DDX42: variants seen among roughly 807,000 people sequenced by gnomAD.
DDX42 encodes DEAD-box helicase 42, also known as ATP-dependent RNA helicase DDX42.
A neutral mutation model predicts 101.5 loss-of-function variants in DDX42; 22 were observed. The ratio of observed to expected loss-of-function variants is 0.22; its 90% CI spans 0.15 to 0.31. The LOEUF (loss-of-function observed/expected upper bound fraction) is 0.31, where lower values mean the gene tolerates loss of function less well. Among genes scored for constraint, DDX42 ranks in the 10% least tolerant of loss-of-function variants. The pLI is 1.00. For synonymous variants in DDX42, 402 were observed against 401.2 expected, an observed-to-expected ratio of 1.00 and a Z score of -0.02; for missense variants, 849 against 1,199.9, an observed-to-expected ratio of 0.71 and a Z score of 4.32.
At chr17:63,809,045 C>T (rs2039878013) in intron 10 of DDX42, 97 bp downstream of exon 10, 2 of 1,522,262 alleles carry the variant, frequency 1.3e-6, no homozygotes, top group South Asian at 1.3e-5. Flanking sequence ...GTGGTAAAAG[C>T]AGGGTTGAAA....
chr17:63,774,006 C>G (rs4968664), upstream of DDX42: 107,781 of 203,992 alleles, frequency 0.53, 38,547 homozygotes, highest in African/African-American at 0.89. Flanking sequence ...GACCCACTTT[C>G]TAGATGGGTC....
chr17:63,793,655 A>T (rs923376926), intron 3 of DDX42, among the ~76,000 whole-genome samples: 1 of 151,932 alleles, frequency 6.6e-6, no homozygotes, highest in African/African-American at 2.4e-5. Flanking sequence ...AATTACAACC[A>T]CCATGTTATT....
At chr17:63,796,505 A>G (rs893693142) in intron 3 of DDX42, among the ~76,000 whole-genome samples, 5 of 152,206 alleles carry the variant, frequency 3.3e-5, no homozygotes, top group African/African-American at 1.2e-4. Flanking sequence ...TAGTAGAGAC[A>G]GGGTTTCTCC....
chr17:63,815,335 C>T (rs1277694732), intron 15 of DDX42, among the ~76,000 whole-genome samples: 1 of 152,192 alleles, frequency 6.6e-6, no homozygotes, highest in Non-Finnish European at 1.5e-5. Context: ...GGAGGGAGCA[C>T]TGTAGGAAGC....
intron 13 of DDX42, 49 bp downstream of exon 13, chr17:63,811,222 A>G: frequency 7.7e-7 from 1 of 1,300,470 alleles, no homozygotes. Flanking sequence ...TATTTCTCAT[A>G]TTATGGAACA....
chr17:63,783,095 CT>C lies in DDX42; in HGVS notation c.-16-3937del, dbSNP rs1285561612. Among the ~76,000 whole-genome samples, 6 of 152,302 alleles carry C rather than the reference CT, an allele frequency of 3.9e-5. No homozygotes were observed. In the East Asian group the frequency reaches 9.6e-4, roughly 24 times the overall value. On this transcript the variant is annotated intron_variant, in intron 1 of 17. Transcript: ENST00000389924. ...ATTTAACATGTCATCTCTCAGAACA[CT>C]TCTATGCCTTTGCTCCCACTCATGG...
At chr17:63,797,401 C>T (rs2039707154) in intron 3 of DDX42, among the ~76,000 whole-genome samples, 1 of 148,026 alleles carries the variant, frequency 6.8e-6, no homozygotes, top group Non-Finnish European at 1.5e-5. Context: ...AAAAACTACA[C>T]ACATTTAACT....
At chr17:63,811,364 G>A (rs2039908402) in intron 13 of DDX42, 191 bp downstream of exon 13, 2 of 490,344 alleles carry the variant, frequency 4.1e-6, no homozygotes, top group Non-Finnish European at 7.3e-6. Flanking sequence ...GGGAATCATT[G>A]AAGCTAGGTG....
At chr17:63,796,636 A>G (rs2039696551) in intron 3 of DDX42, among the ~76,000 whole-genome samples, 2 of 152,146 alleles carry the variant, frequency 1.3e-5, no homozygotes. Context: ...ATTTTATAGA[A>G]AGTATAAACT....
At chr17:63,811,798 C>A in intron 13 of DDX42, 134 bp from the exon 14 acceptor site, 2 of 1,201,316 alleles carry the variant, frequency 1.7e-6, no homozygotes, top group Non-Finnish European at 2.4e-6. Flanking sequence ...CTGCACTTGA[C>A]TTGCTGAAGG....
At chr17:63,794,994 G>A (rs1184623815) in intron 3 of DDX42, among the ~76,000 whole-genome samples, 2 of 151,532 alleles carry the variant, frequency 1.3e-5, no homozygotes, top group African/African-American at 2.4e-5. Context: ...AAATCCTTTC[G>A]GATTCCTTAG....
At chr17:63,803,529 C>T (rs531578652) in intron 6 of DDX42, among the ~76,000 whole-genome samples, 267 of 133,966 alleles carry the variant, frequency 2.0e-3, no homozygotes, top group African/African-American at 7.2e-3. Context: ...GGTTGTGCCA[C>T]TGCACTCCAG....
chr17:63,817,494 T>A (rs1194009589), intron 17 of DDX42, 200 bp from the exon 18 acceptor site: 3 of 551,796 alleles, frequency 5.4e-6, no homozygotes, highest in African/African-American at 3.8e-5. Context: ...ACACTGGGGG[T>A]CCATCTCTCC....
At chr17:63,817,019 T>G (rs2039984869) in intron 17 of DDX42, 53 bp downstream of exon 17, 1 of 1,508,140 alleles carries the variant, frequency 6.6e-7, no homozygotes, top group Non-Finnish European at 9.1e-7. Flanking sequence ...TCTTGGGCAG[T>G]GACAGAGGGG....
chr17:63,798,228 T>C lies in DDX42; in HGVS notation c.434+129T>C, dbSNP rs561866066. The C allele has an allele frequency of 5.5e-5, 42 of 770,072 alleles. No individual in the cohort carries two copies. The African/African-American group carries it at 7.0e-4, about 13-fold the overall frequency. The allele number at this position is 770,072 out of a possible 1,614,324, so 47.7% of individuals were successfully genotyped here. A position where few individuals can be genotyped will look rare whatever the true frequency, so the allele number is the denominator to read the frequency against. Reference sequence around the variant, plus strand: ...TGTGTACTTTACTTGAAGTTATTCCTGTATCTTGAATACTTTAAGAATAGA... The same window carrying C: ...TGTGTACTTTACTTGAAGTTATTCCCGTATCTTGAATACTTTAAGAATAGA... On this transcript the variant is annotated intron_variant, in intron 4 of 17. Transcript: ENST00000389924.
Position 63,810,514 on chromosome 17 carries a change from G to A in DDX42, c.1254G>A (p.Glu418=). The change falls in exon 12 of 18, where the codon GAG becomes GAA. Residue 418 remains glutamate (E), a splice_region_variant and synonymous_variant. Transcript: ENST00000389924. ...EADRMFDMGF[E]YQVRSIASHV... is the part of the protein sequence containing the mutation. ...ATTTTATTGTTCTGTTTCTTGCAGA[G>A]TACCAAGTTCGATCCATAGCAAGTC... is the stretch of plus-strand genomic sequence containing the variant. 1.9e-6 allele frequency: 3 copies of A among 1,614,008 alleles called. No homozygotes were observed. The highest frequency in any genetic ancestry group is 2.5e-6 in the Non-Finnish European group (3 of 1,179,962).
chr17:63,781,081 T>C (rs571493277), intron 1 of DDX42, among the ~76,000 whole-genome samples: 1 of 152,214 alleles, frequency 6.6e-6, no homozygotes, highest in Non-Finnish European at 1.5e-5. Context: ...TACAAAGTAC[T>C]CTTGACTCCT....
chr17:63,785,940 T>C (rs2039542976), intron 1 of DDX42, among the ~76,000 whole-genome samples: 1 of 152,246 alleles, frequency 6.6e-6, no homozygotes, highest in Admixed American at 6.5e-5. Flanking sequence ...GAGTCTTGGC[T>C]GATAGCAGCT....
intron 3 of DDX42, among the ~76,000 whole-genome samples, chr17:63,796,276 T>A (rs2039691303): frequency 6.6e-6 from 1 of 152,172 alleles, no homozygotes; most frequent in Non-Finnish European, 1.5e-5. Context: ...AGTGACAGTA[T>A]CCGAGAATAG....
Sources: gnomAD v4.1 joint callset for allele counts (sites outside exome capture counted in the v4.1 genomes callset) on GRCh38, gnomAD v4.1.1 for gene constraint, MANE v1.5 for transcripts, NCBI Gene and HGNC (gene_info 2026-07-23, HGNC 2026-07-21) for gene names.